Variants in TUBGCP2 observed in about 807,000 individuals in gnomAD.
TUBGCP2 encodes tubulin gamma complex component 2.
TUBGCP2 carries 55 observed loss-of-function variants against 92.2 expected under a neutral mutation model. That is an observed-to-expected ratio of 0.60 (90% CI 0.48 to 0.75). The LOEUF is 0.75. Ranked by LOEUF, TUBGCP2 falls within the 30% of genes least tolerant of loss-of-function variation. The pLI is 0.00. For missense variants in TUBGCP2, 1,093 were observed against 1,188.9 expected, an observed-to-expected ratio of 0.92 and a Z score of 1.19; for synonymous variants, 533 against 505.2, an observed-to-expected ratio of 1.06 and a Z score of -0.74.
At chr10:133,304,023 C>T (rs1046296980) in intron 1 of TUBGCP2, among the ~76,000 whole-genome samples, 1 of 152,160 alleles carries the variant, frequency 6.6e-6, no homozygotes, top group Admixed American at 6.5e-5. Flanking sequence ...CCAAGAGTTC[C>T]GATACAAGGC....
At chr10:133,287,913 A>C (rs1000224788) in intron 11 of TUBGCP2, among the ~76,000 whole-genome samples, 1 of 152,224 alleles carries the variant, frequency 6.6e-6, no homozygotes, top group Non-Finnish European at 1.5e-5. Flanking sequence ...GGACGAGGGC[A>C]CTGCAGGAAA....
Position 133,292,597 on chromosome 10 carries a change from C to T in TUBGCP2, c.1116G>A (p.Ala372=), listed in dbSNP as rs752675113. 71 of 1,614,184 alleles carry T rather than the reference C, an allele frequency of 4.4e-5. No individual in the cohort carries two copies. The Admixed American group carries it at 5.3e-4, about 12-fold the overall frequency. The change falls in exon 8 of 18, where the codon GCG becomes GCA. Residue 372 remains alanine (A), a synonymous_variant. Transcript: ENST00000252936. ...TGGTTAGGTACAGGCATAGCTCCTGCGCCTGGCTGTCCCCTGTGTAGCTGA... is the reference window on the plus strand; with the variant it reads ...TGGTTAGGTACAGGCATAGCTCCTGTGCCTGGCTGTCCCCTGTGTAGCTGA... ...RSFSYTGDSQ[A]QELCLYLTKA...
At chr10:133,309,224 G>T (rs1281292110), upstream of TUBGCP2, 2 of 987,146 alleles carry the variant, frequency 2.0e-6, no homozygotes, top group Non-Finnish European at 2.6e-6. Flanking sequence ...GGGACAGGCG[G>T]GACCTGAGGT....
chr10:133,286,315 G>T (rs755502694), intron 11 of TUBGCP2, among the ~76,000 whole-genome samples: 64 of 152,096 alleles, frequency 4.2e-4, no homozygotes, highest in Non-Finnish European at 7.9e-4. Flanking sequence ...GTCATACAAG[G>T]GCCATGTATT....
upstream of TUBGCP2, chr10:133,309,577 GC>G (rs1457282988): frequency 7.5e-7 from 1 of 1,335,112 alleles, no homozygotes; most frequent in African/African-American, 1.4e-5. Context: ...CCACCGAGGC[GC>G]TGTGCCTGTC....
chr10:133,300,064 T>A lies in TUBGCP2; in HGVS notation c.200A>T (p.Tyr67Phe), dbSNP rs372712808. Residue 67 changes from tyrosine to phenylalanine, a missense_variant, in exon 3 of 18, where the codon TAT (tyrosine) becomes TTT (phenylalanine). Coordinates refer to ENST00000252936, the MANE Select transcript of TUBGCP2 (RefSeq NM_006659.4). The part of the protein sequence containing the change: ...SRTPEDFLKK[Y>F]DELKSKNTRN... ...TGTATTTTTAGATTTCAGTTCATCA[T>A]ATTTCTTTAGAAAGTCTTCTGGAGT... 2 of 1,614,174 alleles carry A rather than the reference T, an allele frequency of 1.2e-6. No homozygotes were observed. The highest frequency in any genetic ancestry group is 1.7e-6 in the Non-Finnish European group (2 of 1,180,008).
intron 7 of TUBGCP2, 45 bp from the exon 8 acceptor site, chr10:133,292,733 C>T (rs750285626): frequency 6.4e-7 from 1 of 1,572,980 alleles, no homozygotes. Context: ...GAAGCGCACG[C>T]CCAGCCTCTG....
upstream of TUBGCP2, chr10:133,310,360 A>G (rs912255108): frequency 1.3e-5 from 21 of 1,587,730 alleles, no homozygotes; most frequent in South Asian, 1.1e-5. Context: ...GCCGGAATGC[A>G]TAGACGGTCA....
At position 133,292,954 on chromosome 10, in the gene TUBGCP2, C is replaced by G; in HGVS notation, c.1024+85G>C. 4.1e-6 allele frequency: 6 copies of G among 1,461,594 alleles called. No homozygotes were observed. In the South Asian group the frequency reaches 7.4e-5, roughly 18 times the overall value. The allele number at this position is 1,461,594 out of a possible 1,614,324, so 90.5% of individuals were successfully genotyped here. A position where few individuals can be genotyped will look rare whatever the true frequency, so the allele number is the denominator to read the frequency against. On this transcript the variant is annotated intron_variant, in intron 7 of 17. Coordinates refer to ENST00000252936, the MANE Select transcript of TUBGCP2 (RefSeq NM_006659.4). ...CTGCCCTGGGCAGCTGCTCCACGGC[C>G]CCTGCAGAGTCTCTCCTCACACTGG...
At chr10:133,307,431 C>A (rs565485494) in intron 1 of TUBGCP2, among the ~76,000 whole-genome samples, 1 of 152,370 alleles carries the variant, frequency 6.6e-6, no homozygotes, top group Admixed American at 6.5e-5. Flanking sequence ...GAGCTCAAAG[C>A]TAACTGTACA....
Position 133,288,904 on chromosome 10 carries a change from T to G in TUBGCP2, c.1477A>C (p.Asn493His), listed in dbSNP as rs377252971. ...AYVEQIEKAF[N>H]YASKVLLDFL... ...TCCAGCAGCACCTTGCTGGCGTAGT[T>G]AAACGCCTTCTCGATCTGCTCCACA... Residue 493 changes from asparagine to histidine, a missense_variant, in exon 10 of 18, where the codon AAC becomes CAC. Asn to His is a moderately conservative substitution (Grantham distance 68, BLOSUM62 1). This residue lies in a region of TUBGCP2 where 598 missense variants were observed against 675.5 expected (regional missense o/e 0.89). Coordinates refer to ENST00000252936, the MANE Select transcript of TUBGCP2 (RefSeq NM_006659.4). 1.9e-5 allele frequency: 31 copies of G among 1,614,092 alleles called. No homozygotes were observed. Among genetic ancestry groups the G allele is most frequent in the Non-Finnish European group, 2.5e-5 (29 of 1,180,026 alleles).
chr10:133,296,841 A>G (rs1334747717), intron 5 of TUBGCP2, among the ~76,000 whole-genome samples: 1 of 152,236 alleles, frequency 6.6e-6, no homozygotes, highest in East Asian at 1.9e-4. Flanking sequence ...CTCATAACTT[A>G]CAGCAGGGTT....
Position 133,283,906 on chromosome 10 carries a change from G to A in TUBGCP2, c.2121C>T (p.His707=), listed in dbSNP as rs1168809359. The change falls in exon 14 of 18, where the codon CAC becomes CAT. Residue 707 remains histidine (H), a synonymous_variant. Transcript: ENST00000252936. ...MMFEVMEPTW[H]ILEKNLKSAS... is the part of the protein sequence containing the mutation. ...CGGATTTCAGGTTTTTCTCCAGGATGTGCCAGGTCGGTTCCATCACTTCAA... is the reference window on the plus strand; with the variant it reads ...CGGATTTCAGGTTTTTCTCCAGGATATGCCAGGTCGGTTCCATCACTTCAA... The A allele has an allele frequency of 1.2e-6, 2 of 1,613,992 alleles. No homozygotes were observed. The highest frequency in any genetic ancestry group is 2.2e-5 in the East Asian group (1 of 44,896).
chr10:133,291,251 C>T (rs1282629605), intron 8 of TUBGCP2, among the ~76,000 whole-genome samples: 7 of 67,364 alleles, frequency 1.0e-4, no homozygotes, highest in African/African-American at 4.9e-4. Context: ...CCGTGTCCCC[C>T]ATGTCCCTCC....
chr10:133,306,800 T>A (rs539970344), intron 1 of TUBGCP2, among the ~76,000 whole-genome samples: 27 of 151,570 alleles, frequency 1.8e-4, no homozygotes, highest in African/African-American at 5.8e-4. Context: ...AAAATAATAA[T>A]AAAAAAAATA....
intron 1 of TUBGCP2, among the ~76,000 whole-genome samples, 153 bp from the exon 2 acceptor site, chr10:133,303,133 G>A (rs535507746): frequency 6.6e-6 from 1 of 152,208 alleles, no homozygotes; most frequent in East Asian, 1.9e-4. Context: ...CAGCCCAGCA[G>A]CCTCTCAGAG....
At chr10:133,309,122 T>A, upstream of TUBGCP2, 2 of 1,347,936 alleles carry the variant, frequency 1.5e-6, no homozygotes, top group Non-Finnish European at 1.9e-6. Context: ...AGGGAAAAAG[T>A]AGTTGTAGGA....
chr10:133,286,584 G>T (rs1457753278), intron 11 of TUBGCP2, among the ~76,000 whole-genome samples: 3 of 151,676 alleles, frequency 2.0e-5, no homozygotes, highest in Non-Finnish European at 4.4e-5. Flanking sequence ...CCTCCCGCGC[G>T]CACGGAACCG....
chr10:133,283,720 T>G (rs56403249), intron 14 of TUBGCP2, among the ~76,000 whole-genome samples, 162 bp downstream of exon 14: 103,953 of 142,886 alleles, frequency 0.73, 39,132 homozygotes, highest in East Asian at 0.93. Context: ...GCCCTGCCTC[T>G]CCCGCACTCC....
Sources: gnomAD v4.1 joint callset for allele counts (sites outside exome capture counted in the v4.1 genomes callset) on GRCh38, gnomAD v4.1.1 for gene constraint, gnomAD v4.1.1 regional missense constraint, MANE v1.5 for transcripts, NCBI Gene and HGNC (gene_info 2026-07-23, HGNC 2026-07-21) for gene names.